Variants in FBF1 observed in about 807,000 individuals in gnomAD.
FBF1 encodes the protein Fas binding factor 1, also known as fas-binding factor 1.
In FBF1, 119 loss-of-function variants were observed where a neutral mutation model predicts 147.2. The observed-to-expected ratio is 0.81, with a 90% CI of 0.70 to 0.94. FBF1 has a LOEUF of 0.94. FBF1 is among the 40% of genes least tolerant of loss of function. FBF1 has a pLI of 0.00. For missense variants in FBF1, 1,449 were observed against 1,500.8 expected (o/e 0.97, Z 0.57); for synonymous variants, 601 against 609.0 (o/e 0.99, Z 0.19).
chr17:75,928,209 G>A lies in FBF1; in HGVS notation c.280-16C>T. The A allele has an allele frequency of 6.2e-7, 1 of 1,609,414 alleles. No homozygotes were observed. Among genetic ancestry groups the A allele is most frequent in the Non-Finnish European group, 8.5e-7 (1 of 1,175,904 alleles). On this transcript the variant is annotated splice_polypyrimidine_tract_variant and intron_variant, in intron 7 of 29. Coordinates refer to ENST00000636174, the MANE Select transcript of FBF1 (RefSeq NM_001319193.2). The surrounding 1 kb of genome is among the most constrained non-coding windows in gnomAD (Gnocchi z 4.2). ...CGTCCAGGTCCTAGAAAACCAGGGA[G>A]GGAGGGCAGAGGACTATGTCTGATA...
In FBF1 at chr17:75,928,506, T is replaced by C. The variant is rs975395618; in HGVS notation, c.280-313A>G. On this transcript the variant is annotated intron_variant, in intron 7 of 29. Transcript: ENST00000636174. This position sits in a 1 kb window ranked among gnomAD's most constrained non-coding sequence, Gnocchi z 4.2. ...TGGTCTCGGGAAAAAAGCTTTCTTT[T>C]TTTTCTTTTTTTAGACAGGATATTG... Among the ~76,000 whole-genome samples the C allele has an allele frequency of 1.3e-5, 2 of 152,146 alleles. No homozygotes were observed. The highest frequency in any genetic ancestry group is 1.3e-4 in the Admixed American group (2 of 15,274).
At chr17:75,933,486 C>T (rs11867538) in intron 4 of FBF1, among the ~76,000 whole-genome samples, 21,017 of 152,034 alleles carry the variant, frequency 0.14, 2,369 homozygotes, top group African/African-American at 0.31. Flanking sequence ...GCAGGAGAAT[C>T]GCTTGAACCG....
chr17:75,927,872 G>C (rs2065571667), intron 8 of FBF1, among the ~76,000 whole-genome samples: 1 of 152,190 alleles, frequency 6.6e-6, no homozygotes, highest in Non-Finnish European at 1.5e-5. Context: ...GCTCGAGGAA[G>C]GGAGGAAACT....
chr17:75,913,838 AAAG>A lies in FBF1; in HGVS notation c.3130-22_3130-20del, dbSNP rs1203429528. On this transcript the variant is annotated intron_variant, in intron 27 of 29. Transcript: ENST00000636174. ...GATGCTCCTGTCCCCGTTCCCCCAGAAAGAAGGACTCAGCTGTGAGGTGGGAGG... is the reference window on the plus strand; with the variant it reads ...GATGCTCCTGTCCCCGTTCCCCCAGAAAGGACTCAGCTGTGAGGTGGGAGG... 15 of 1,588,430 alleles carry A rather than the reference AAAG, an allele frequency of 9.4e-6. No individual in the cohort carries two copies. Among genetic ancestry groups the A allele is most frequent in the Non-Finnish European group, 1.3e-5 (15 of 1,171,330 alleles).
chr17:75,925,754 G>A lies in FBF1; in HGVS notation c.868+276C>T, dbSNP rs953160140. On this transcript the variant is annotated intron_variant, in intron 12 of 29. Coordinates refer to ENST00000636174, the MANE Select transcript of FBF1 (RefSeq NM_001319193.2). This position sits in a 1 kb window ranked among gnomAD's most constrained non-coding sequence, Gnocchi z 5.0. ...GTCCAGAGCAGTGCTTTTCAAATGC[G>A]AGCTGCTACCCATGAGAGGGCTGAG... 2.0e-5 allele frequency among the ~76,000 whole-genome samples: 3 copies of A among 152,188 alleles called. No individual in the cohort carries two copies. The highest frequency in any genetic ancestry group is 2.9e-5 in the Non-Finnish European group (2 of 68,026).
At position 75,910,031 on chromosome 17, in the gene FBF1, G is replaced by A. The variant is rs992014756; in HGVS notation, c.*692C>T. On this transcript the variant is annotated 3_prime_UTR_variant, in exon 30 of 30. Coordinates refer to ENST00000636174, the MANE Select transcript of FBF1 (RefSeq NM_001319193.2). This position sits in a 1 kb window ranked among gnomAD's most constrained non-coding sequence, Gnocchi z 4.1. ...TCGTCCCTCCCCACACCCCACCATC[G>A]CCACAGCTCCCTCCGCCGCCGGTGG... is the stretch of plus-strand genomic sequence containing the variant. 9.1e-6 allele frequency: 6 copies of A among 661,732 alleles called. No individual in the cohort carries two copies. Among genetic ancestry groups the A allele is most frequent in the South Asian group, 4.5e-5 (3 of 66,250 alleles). The allele number at this position is 661,732 out of a possible 1,614,324, so 41.0% of individuals were successfully genotyped here.
At chr17:75,931,579 T>G (rs1207176265) in intron 5 of FBF1, among the ~76,000 whole-genome samples, 1 of 151,754 alleles carries the variant, frequency 6.6e-6, no homozygotes, top group African/African-American at 2.4e-5. Flanking sequence ...AGGTCAGGAG[T>G]TTGGGACCAA....
chr17:75,913,672 C>A, intron 28 of FBF1, 30 bp downstream of exon 28: 1 of 1,538,938 alleles, frequency 6.5e-7, no homozygotes, highest in Non-Finnish European at 8.7e-7. Flanking sequence ...CAGTCCTGAG[C>A]CGCCGGCCCT....
Position 75,914,229 on chromosome 17 carries a change from C to T in FBF1, c.2884G>A (p.Ala962Thr), listed in dbSNP as rs2065474155. The change falls in exon 26 of 30, where the codon GCA becomes ACA. Residue 962 changes from alanine (A) to threonine (T), a missense_variant. By Grantham distance (58) the Ala-to-Thr change is moderately conservative (BLOSUM62 0). Transcript: ENST00000636174. ...AEEKQLAAER[A>T]ALEQERQELR... is the part of the protein sequence containing the mutation. ...TCCTGCCGCTCCTGCTCCAGGGCTG[C>T]TCTCTCCGCTGCCAGCTGCTTCTCC... 6.3e-7 allele frequency: 1 copy of T among 1,593,006 alleles called. No homozygotes were observed.
chr17:75,917,315 G>C (rs572177884), intron 23 of FBF1, among the ~76,000 whole-genome samples: 11 of 152,348 alleles, frequency 7.2e-5, no homozygotes, highest in Middle Eastern at 3.4e-3. Context: ...AAGGTATCTA[G>C]GGAATTCAAA....
At chr17:75,913,396 C>T (rs113097851) in intron 28 of FBF1, 5,325 of 246,390 alleles carry the variant, frequency 0.022, 281 homozygotes, top group African/African-American at 0.11. Flanking sequence ...GATCCGCCTG[C>T]CTCGGCTGCC....
rs1163393126 is a variant in FBF1, at chr17:75,909,904, G to A, written c.*819C>T. Reference sequence around the variant, plus strand: ...AGTTGAAGCAGCGGGAGTGGAGGAGGATCAGAGAAACCTCTGTAGTTGTGA... The same window carrying A: ...AGTTGAAGCAGCGGGAGTGGAGGAGAATCAGAGAAACCTCTGTAGTTGTGA... On this transcript the variant is annotated 3_prime_UTR_variant, in exon 30 of 30. Transcript: ENST00000636174. 1 of 701,336 alleles carries A rather than the reference G, an allele frequency of 1.4e-6. No homozygotes were observed. Among genetic ancestry groups the A allele is most frequent in the South Asian group, 1.5e-5 (1 of 66,750 alleles). The allele number at this position is 701,336 out of a possible 1,614,324, so 43.4% of individuals were successfully genotyped here.
intron 1 of FBF1, among the ~76,000 whole-genome samples, chr17:75,939,594 C>G (rs2065647745): frequency 6.6e-6 from 1 of 152,086 alleles, no homozygotes; most frequent in African/African-American, 2.4e-5. Context: ...CGGGGTCTCA[C>G]TGTGTTACTC....
At position 75,909,649 on chromosome 17, in the gene FBF1, TCTC is replaced by T. The variant is rs1391361872; in HGVS notation, c.*1071_*1073del. Reference sequence around the variant, plus strand: ...TTTGAAGCAGGGCTAATAGTACCCTTCTCCTGGCTGTGGTCCAGCTGCCAGGTG... The same window carrying T: ...TTTGAAGCAGGGCTAATAGTACCCTTCTGGCTGTGGTCCAGCTGCCAGGTG... On this transcript the variant is annotated 3_prime_UTR_variant, in exon 30 of 30. Transcript: ENST00000636174. The T allele has an allele frequency of 8.8e-6, 5 of 570,010 alleles. No homozygotes were observed. In the South Asian group the frequency reaches 9.4e-5, roughly 11 times the overall value. The allele number at this position is 570,010 out of a possible 1,614,324, so 35.3% of individuals were successfully genotyped here.
In FBF1 at chr17:75,909,657, C is replaced by T; in HGVS notation, c.*1066G>A. On this transcript the variant is annotated 3_prime_UTR_variant, in exon 30 of 30. Coordinates refer to ENST00000636174, the MANE Select transcript of FBF1 (RefSeq NM_001319193.2). ...AGGGCTAATAGTACCCTTCTCCTGG[C>T]TGTGGTCCAGCTGCCAGGTGCCACC... The T allele has an allele frequency of 1.8e-6, 1 of 570,610 alleles. No homozygotes were observed. The highest frequency in any genetic ancestry group is 3.1e-6 in the Non-Finnish European group (1 of 319,852). 35.3% of individuals were successfully genotyped at this position (570,610 alleles called of 1,614,324 possible).
rs1598162655 is a variant in FBF1, at chr17:75,935,894, G to C, written c.32-221C>G. Among the ~76,000 whole-genome samples, 5 of 152,330 alleles carry C rather than the reference G, an allele frequency of 3.3e-5. No homozygotes were observed. In the South Asian group the frequency reaches 1.0e-3, roughly 32 times the overall value. On this transcript the variant is annotated intron_variant, in intron 3 of 29. Coordinates refer to ENST00000636174, the MANE Select transcript of FBF1 (RefSeq NM_001319193.2). ...GGCAGAAATTTAAATAACTATCTCA[G>C]GCTGGGCGCAGTGGCTCACACCTGC...
chr17:75,925,668 G>A lies in FBF1; in HGVS notation c.869-222C>T, dbSNP rs771953602. Among the ~76,000 whole-genome samples, 46 of 152,306 alleles carry A rather than the reference G, an allele frequency of 3.0e-4. No individual in the cohort carries two copies. Among genetic ancestry groups the A allele is most frequent in the Non-Finnish European group, 5.1e-4 (35 of 68,018 alleles). On this transcript the variant is annotated intron_variant, in intron 12 of 29. Coordinates refer to ENST00000636174, the MANE Select transcript of FBF1 (RefSeq NM_001319193.2). The surrounding 1 kb of genome is among the most constrained non-coding windows in gnomAD (Gnocchi z 5.0). ...TCCCTCGAGGTCAGGTCCAGCGAGC[G>A]GCATGTGTCACAAGAATGATTCTCA...
In FBF1 at chr17:75,920,343, C is replaced by T; in HGVS notation, c.1761G>A (p.Gln587=). 1 of 1,609,774 alleles carries T rather than the reference C, an allele frequency of 6.2e-7. No homozygotes were observed. Among genetic ancestry groups the T allele is most frequent in the Non-Finnish European group, 8.5e-7 (1 of 1,178,648 alleles). The change falls in exon 18 of 30, where the codon CAG becomes CAA. Residue 587 remains glutamine, a synonymous_variant. Coordinates refer to ENST00000636174, the MANE Select transcript of FBF1 (RefSeq NM_001319193.2). ...CGGCCTGGAGCTCAGCGGGGCTGCA[C>T]TGAAGTTGCACCTGTGCTGCCAGGA... ...KQLLAAQVQL[Q]CSPAELQAEL...
rs938117855 is a variant in FBF1, at chr17:75,918,183, G to T, written c.2225C>A (p.Thr742Asn). The T allele has an allele frequency of 6.2e-7, 1 of 1,613,278 alleles. No individual in the cohort carries two copies. Among genetic ancestry groups the T allele is most frequent in the African/African-American group, 1.3e-5 (1 of 74,942 alleles). ...LLKDREVDAATSATSHTRSLN... is the reference protein window; with the variant it reads ...LLKDREVDAANSATSHTRSLN... ...ATACCGCGTGTGGGAGGTGGCACTG[G>T]TGGCCGCATCGACCTCTCGGTCCTT... Residue 742 changes from threonine (T) to asparagine (N), a missense_variant, in exon 21 of 30, where the codon ACC becomes AAC. Physicochemically the swap from Thr to Asn is moderately conservative, Grantham distance 65. Transcript: ENST00000636174. The surrounding 1 kb of genome is among the most constrained non-coding windows in gnomAD (Gnocchi z 5.8).
Sources: gnomAD v4.1 joint callset for allele counts (sites outside exome capture counted in the v4.1 genomes callset) on GRCh38, gnomAD v4.1.1 for gene constraint, Gnocchi (gnomAD v3.1) non-coding constraint, MANE v1.5 for transcripts, NCBI Gene and HGNC (gene_info 2026-07-23, HGNC 2026-07-21) for gene names.